ZNF251: variants seen among roughly 807,000 people sequenced by gnomAD.
ZNF251 encodes the protein zinc finger protein 251.
A neutral mutation model predicts 13.5 loss-of-function variants in ZNF251; 14 were observed. The ratio of observed to expected loss-of-function variants is 1.04; its 90% CI spans 0.69 to 1.63. ZNF251 has a LOEUF of 1.63. Among genes scored for constraint, ZNF251 ranks in the 40% most tolerant of loss-of-function variants. ZNF251 has a pLI of 0.00. For missense variants in ZNF251, 764 were observed against 834.9 expected (o/e 0.92, Z 1.05); for synonymous variants, 287 against 295.2 (o/e 0.97, Z 0.28).
Position 144,746,199 on chromosome 8 carries a change from G to A in ZNF251, c.277+7484C>T, listed in dbSNP as rs572262583. Among the ~76,000 whole-genome samples the A allele has an allele frequency of 4.6e-5, 7 of 152,248 alleles. No homozygotes were observed. In the East Asian group the frequency reaches 9.7e-4, roughly 21 times the overall value. On this transcript the variant is annotated intron_variant, in intron 4 of 4. Coordinates refer to ENST00000292562, the MANE Select transcript of ZNF251 (RefSeq NM_138367.2). ...TTTGTTGAATTTGTAATCATGAATC[G>A]AGGTTGGATTTTGTCAAATGCTTTC...
chr8:144,723,276 T>C lies in ZNF251; in HGVS notation c.384A>G (p.Ala128=), dbSNP rs570696833. Residue 128 remains alanine (A), a synonymous_variant, in exon 5 of 5, where the codon GCA becomes GCG. Transcript: ENST00000292562. The part of the protein sequence containing the change: ...FVSRRLLRDN[A]QAAEFREAWG... ...ATGCTTCCCGAAACTCAGCGGCCTG[T>C]GCATTATCCCTTAAGAGTCTTCTTG... The C allele has an allele frequency of 1.1e-5, 18 of 1,610,804 alleles. No homozygotes were observed. In the African/African-American group the frequency reaches 2.4e-4, roughly 22 times the overall value.
At position 144,728,189 on chromosome 8, in the gene ZNF251, G is replaced by A. The variant is rs116551590; in HGVS notation, c.278-4807C>T. On this transcript the variant is annotated intron_variant, in intron 4 of 4. Coordinates refer to ENST00000292562, the MANE Select transcript of ZNF251 (RefSeq NM_138367.2). ...AGTTTCGATATTGCTGAGTCTCAGG[G>A]AATATGGAGGCCCTAGGAGAGAGAG... Among the ~76,000 whole-genome samples the A allele has an allele frequency of 2.6e-5, 4 of 152,114 alleles. No homozygotes were observed. The East Asian group carries it at 7.7e-4, about 29-fold the overall frequency.
chr8:144,753,706 T>C lies in ZNF251; in HGVS notation c.254A>G (p.Asp85Gly), dbSNP rs773514766. ...VLNLLGAEEP[D>G]ILKSCQKDSE... ...ACCTTTCTGGCAGCTTTTCAAGATATCTGGTTCCTCAGCTCCCAGAAGATT... is the reference window on the plus strand; with the variant it reads ...ACCTTTCTGGCAGCTTTTCAAGATACCTGGTTCCTCAGCTCCCAGAAGATT... Residue 85 changes from aspartate to glycine, a missense_variant, in exon 4 of 5, where the codon GAT becomes GGT. Coordinates refer to ENST00000292562, the MANE Select transcript of ZNF251 (RefSeq NM_138367.2). 74 of 1,589,844 alleles carry C rather than the reference T, an allele frequency of 4.7e-5. No homozygotes were observed. The highest frequency in any genetic ancestry group is 5.9e-5 in the Non-Finnish European group (69 of 1,167,456).
intron 4 of ZNF251, among the ~76,000 whole-genome samples, chr8:144,728,430 G>A (rs1453449190): frequency 2.0e-5 from 3 of 151,910 alleles, no homozygotes; most frequent in Admixed American, 1.3e-4. Context: ...TTGGGAGGCC[G>A]AGACGGGCGG....
intron 4 of ZNF251, among the ~76,000 whole-genome samples, chr8:144,748,146 T>C (rs1824517449): frequency 6.6e-6 from 1 of 152,086 alleles, no homozygotes; most frequent in Non-Finnish European, 1.5e-5. Flanking sequence ...CAATCTTGGC[T>C]CACTGCAACC....
rs1823652465 is a variant in ZNF251, at chr8:144,730,172, C to T, written c.278-6790G>A. The T allele has an allele frequency of 8.3e-6, 8 of 958,866 alleles. No homozygotes were observed. In the South Asian group the frequency reaches 2.4e-4, roughly 29 times the overall value. The allele number at this position is 958,866 out of a possible 1,614,324, so 59.4% of individuals were successfully genotyped here. On this transcript the variant is annotated intron_variant, in intron 4 of 4. Coordinates refer to ENST00000292562, the MANE Select transcript of ZNF251 (RefSeq NM_138367.2). ...GGGAAGTGGAGAGCCATGTTTTATCCACCGGGCCTAAAGCCCCTCCAGGCG... is the reference window on the plus strand; with the variant it reads ...GGGAAGTGGAGAGCCATGTTTTATCTACCGGGCCTAAAGCCCCTCCAGGCG...
rs370507035 is a variant in ZNF251 at position 144,723,270 on chromosome 8, G to A, written c.390C>T (p.Ala130=). ...GGCCCCATGCTTCCCGAAACTCAGC[G>A]GCCTGTGCATTATCCCTTAAGAGTC... ...SRRLLRDNAQ[A]AEFREAWGRE... The change falls in exon 5 of 5, where the codon GCC becomes GCT. Residue 130 remains alanine (A), a synonymous_variant. Coordinates refer to ENST00000292562, the MANE Select transcript of ZNF251 (RefSeq NM_138367.2). The A allele has an allele frequency of 2.7e-5, 44 of 1,612,300 alleles. No individual in the cohort carries two copies. Among genetic ancestry groups the A allele is most frequent in the African/African-American group, 1.1e-4 (8 of 74,756 alleles).
At chr8:144,732,633 A>T (rs1563758803) in intron 4 of ZNF251, among the ~76,000 whole-genome samples, 1 of 151,742 alleles carries the variant, frequency 6.6e-6, no homozygotes, top group African/African-American at 2.4e-5. Flanking sequence ...CAACACGGTG[A>T]AACCCCGTCT....
chr8:144,722,824 T>A lies in ZNF251; in HGVS notation c.836A>T (p.His279Leu), dbSNP rs748485403. Reference sequence around the variant, plus strand: ...GTGAATTCTCCGATGAAGACGGAGGTGAGAATTGAGTCCAAAAGTTTTCCC... The same window carrying A: ...GTGAATTCTCCGATGAAGACGGAGGAGAGAATTGAGTCCAAAAGTTTTCCC... The part of the protein sequence containing the change: ...ECGKTFGLNS[H>L]LRLHRRIHTG... Residue 279 changes from histidine to leucine, a missense_variant, in exon 5 of 5, where the codon CAC becomes CTC. His to Leu is a moderately conservative substitution (Grantham distance 99). Coordinates refer to ENST00000292562, the MANE Select transcript of ZNF251 (RefSeq NM_138367.2). This position sits in a 1 kb window ranked among gnomAD's most constrained non-coding sequence, Gnocchi z 4.8. The A allele has an allele frequency of 6.2e-7, 1 of 1,613,892 alleles. No homozygotes were observed. The highest frequency in any genetic ancestry group is 8.5e-7 in the Non-Finnish European group (1 of 1,179,870).
At chr8:144,737,614 C>G (rs1049335466) in intron 4 of ZNF251, among the ~76,000 whole-genome samples, 62 of 152,068 alleles carry the variant, frequency 4.1e-4, no homozygotes, top group Admixed American at 7.9e-4. Flanking sequence ...GGGTGGATCA[C>G]AAGGTCAGGA....
At chr8:144,736,317 T>C (rs529827516) in intron 4 of ZNF251, among the ~76,000 whole-genome samples, 3 of 152,124 alleles carry the variant, frequency 2.0e-5, no homozygotes, top group South Asian at 4.2e-4. Context: ...TTTACTACTC[T>C]ATTAATTGGG....
chr8:144,735,393 A>G (rs1823851009), intron 4 of ZNF251, among the ~76,000 whole-genome samples: 1 of 151,488 alleles, frequency 6.6e-6, no homozygotes, highest in East Asian at 1.9e-4. Context: ...AAAAAAAAAA[A>G]AAAAAAAGAG....
At chr8:144,749,690 CTTT>C (rs902102604) in intron 4 of ZNF251, among the ~76,000 whole-genome samples, 3 of 151,912 alleles carry the variant, frequency 2.0e-5, no homozygotes, top group Admixed American at 6.6e-5. Flanking sequence ...AACTATACTT[CTTT>C]TTTAACTTTT....
chr8:144,748,653 T>C (rs1169675572), intron 4 of ZNF251, among the ~76,000 whole-genome samples: 1 of 152,188 alleles, frequency 6.6e-6, no homozygotes, highest in Admixed American at 6.5e-5. Context: ...CTCAACTTCC[T>C]GGGCTCAAGC....
At chr8:144,725,608 G>A (rs2129931019) in intron 4 of ZNF251, among the ~76,000 whole-genome samples, 1 of 152,156 alleles carries the variant, frequency 6.6e-6, no homozygotes, top group East Asian at 1.9e-4. Flanking sequence ...ATCTTTTTAT[G>A]ATAGTCTGAA....
intron 4 of ZNF251, among the ~76,000 whole-genome samples, chr8:144,724,523 A>G (rs1235946665): frequency 1.3e-5 from 2 of 152,014 alleles, no homozygotes; most frequent in African/African-American, 2.4e-5. Flanking sequence ...AAAAGCTGAC[A>G]ATATGTAGCC....
Position 144,722,292 on chromosome 8 carries a change from A to C in ZNF251, c.1368T>G (p.Thr456=), listed in dbSNP as rs774549736. 1 of 1,613,968 alleles carries C rather than the reference A, an allele frequency of 6.2e-7. No individual in the cohort carries two copies. The highest frequency in any genetic ancestry group is 8.5e-7 in the Non-Finnish European group (1 of 1,179,900). The change falls in exon 5 of 5, where the codon ACT becomes ACG. Residue 456 remains threonine (T), a synonymous_variant. Coordinates refer to ENST00000292562, the MANE Select transcript of ZNF251 (RefSeq NM_138367.2). This position sits in a 1 kb window ranked among gnomAD's most constrained non-coding sequence, Gnocchi z 4.8. ...STLVQHRRVH[T]GEKPYQCVEC... ...CAACGCACTGGTAGGGCTTCTCCCC[A>C]GTGTGAACTCTTCGATGCTGAACAA... is the stretch of plus-strand genomic sequence containing the variant.
chr8:144,739,109 C>A (rs1049123392), intron 4 of ZNF251, among the ~76,000 whole-genome samples: 2 of 151,748 alleles, frequency 1.3e-5, no homozygotes, highest in Non-Finnish European at 2.9e-5. Flanking sequence ...ACCCTCCCTG[C>A]TGCTGACTCC....
In ZNF251 at chr8:144,748,514, CTTCTT is replaced by C. The variant is rs1403443611; in HGVS notation, c.277+5164_277+5168del. Among the ~76,000 whole-genome samples, 11 of 131,404 alleles carry C rather than the reference CTTCTT, an allele frequency of 8.4e-5. No individual in the cohort carries two copies. The East Asian group carries it at 2.1e-3, about 25-fold the overall frequency. 86.2% of individuals were successfully genotyped at this position (131,404 alleles called of 152,430 possible). ...TTTGTGTTTTTATGTTTAAAGTGGG[CTTCTT>C]TTCTTTTTTTTTGTTCATGGCAAGA... is the stretch of plus-strand genomic sequence containing the variant. On this transcript the variant is annotated intron_variant, in intron 4 of 4. Transcript: ENST00000292562.
Sources: gnomAD v4.1 joint callset for allele counts (sites outside exome capture counted in the v4.1 genomes callset) on GRCh38, gnomAD v4.1.1 for gene constraint, Gnocchi (gnomAD v3.1) non-coding constraint, MANE v1.5 for transcripts, NCBI Gene and HGNC (gene_info 2026-07-23, HGNC 2026-07-21) for gene names.